LRP1B: variants seen among roughly 807,000 people sequenced by gnomAD.
The protein encoded by LRP1B is low-density lipoprotein receptor-related protein 1B.
A neutral mutation model predicts 556.6 loss-of-function variants in LRP1B; 217 were observed. That is an observed-to-expected ratio of 0.39 (90% CI 0.35 to 0.44). The LOEUF (loss-of-function observed/expected upper bound fraction) is 0.44, where lower values mean the gene tolerates loss of function less well. LRP1B is among the 20% of genes least tolerant of loss of function. The pLI is 1.00. For synonymous variants in LRP1B, 2,047 were observed against 1,865.8 expected, an observed-to-expected ratio of 1.10 and a Z score of -2.50; for missense variants, 5,053 against 5,620.8, an observed-to-expected ratio of 0.90 and a Z score of 3.23.
Position 140,469,711 on chromosome 2 carries a change from T to C in LRP1B, c.9625+5427A>G, listed in dbSNP as rs377631748. ...TTTGTGTAAGTGTATACTTATGCTA[T>C]AACTATTAATATTAGAGGCTCTAAC... On this transcript the variant is annotated intron_variant, in intron 60 of 90. Coordinates refer to ENST00000389484, the MANE Select transcript of LRP1B (RefSeq NM_018557.3). Among the ~76,000 whole-genome samples, 289 of 152,336 alleles carry C rather than the reference T, an allele frequency of 1.9e-3. 2 individuals are homozygous for C. Among genetic ancestry groups the C allele is most frequent in the African/African-American group, 6.7e-3 (279 of 41,596 alleles).
At chr2:140,570,671 T>G (rs1036654329) in intron 43 of LRP1B, among the ~76,000 whole-genome samples, 2 of 151,718 alleles carry the variant, frequency 1.3e-5, no homozygotes, top group Admixed American at 6.6e-5. Context: ...TCTCATTTTA[T>G]AATCTCAGCA....
intron 2 of LRP1B, among the ~76,000 whole-genome samples, chr2:141,523,902 C>T (rs573792814): frequency 1.1e-3 from 166 of 152,304 alleles, no homozygotes; most frequent in African/African-American, 3.9e-3. Flanking sequence ...TGTGCTGTCA[C>T]TGCACAGGCT....
At chr2:140,493,854 C>G (rs994829730) in intron 56 of LRP1B, among the ~76,000 whole-genome samples, 7 of 152,144 alleles carry the variant, frequency 4.6e-5, no homozygotes, top group African/African-American at 1.7e-4. Flanking sequence ...ATACCCCCTT[C>G]TATCATCCTT....
intron 41 of LRP1B, among the ~76,000 whole-genome samples, chr2:140,626,650 C>T (rs1481643502): frequency 6.8e-6 from 1 of 148,010 alleles, no homozygotes; most frequent in African/African-American, 2.5e-5. Context: ...GCCCAGAATT[C>T]ATTTACAAAG....
intron 7 of LRP1B, among the ~76,000 whole-genome samples, chr2:141,069,426 T>A (rs16845274): frequency 0.039 from 5,966 of 152,178 alleles, 182 homozygotes; most frequent in Middle Eastern, 0.12. Context: ...TAATGTAGTT[T>A]GAAACATGGT....
chr2:140,264,158 C>T (rs1682078609), intron 86 of LRP1B, among the ~76,000 whole-genome samples: 1 of 129,996 alleles, frequency 7.7e-6, no homozygotes, highest in Non-Finnish European at 1.9e-5. Context: ...TTCTTATCAC[C>T]CTTCTTACAA....
rs116721435 is a variant in LRP1B, at chr2:141,023,823, C to T, written c.1790-3721G>A. ...ATACCCAAAAATGGCCATTATAAAA[C>T]CATAGTTTCTACATTTTTCTACCTT... On this transcript the variant is annotated intron_variant, in intron 11 of 90. Coordinates refer to ENST00000389484, the MANE Select transcript of LRP1B (RefSeq NM_018557.3). 3.6e-3 allele frequency among the ~76,000 whole-genome samples: 553 copies of T among 152,050 alleles called. 3 individuals carry two copies. Among genetic ancestry groups the T allele is most frequent in the African/African-American group, 0.013 (535 of 41,520 alleles).
intron 1 of LRP1B, among the ~76,000 whole-genome samples, chr2:142,016,848 G>GTA (rs372682597): frequency 2.8e-5 from 2 of 71,726 alleles, no homozygotes; most frequent in Admixed American, 2.6e-4. Flanking sequence ...ATGTATATAT[G>GTA]TATATATATA....
At chr2:140,954,691 C>T (rs1695821640) in intron 18 of LRP1B, among the ~76,000 whole-genome samples, 1 of 152,016 alleles carries the variant, frequency 6.6e-6, no homozygotes, top group Non-Finnish European at 1.5e-5. Context: ...ATATTCAGTA[C>T]ATTCAACCTC....
At chr2:140,980,377 G>C (rs1696731193) in intron 18 of LRP1B, among the ~76,000 whole-genome samples, 2 of 152,110 alleles carry the variant, frequency 1.3e-5, no homozygotes, top group South Asian at 4.1e-4. Flanking sequence ...AATTAGTCTG[G>C]ATAGTGGAAA....
chr2:142,043,493 G>T (rs1007915721), intron 1 of LRP1B, among the ~76,000 whole-genome samples: 1 of 151,488 alleles, frequency 6.6e-6, no homozygotes, highest in Non-Finnish European at 1.5e-5. Context: ...TAGGTCTAAA[G>T]AATTTAGAAG....
At chr2:140,943,841 CTAATA>C (rs935811575) in intron 20 of LRP1B, among the ~76,000 whole-genome samples, 1 of 151,892 alleles carries the variant, frequency 6.6e-6, no homozygotes, top group African/African-American at 2.4e-5. Context: ...AATTAACAAT[CTAATA>C]TGACACATAA....
intron 32 of LRP1B, among the ~76,000 whole-genome samples, chr2:140,803,680 C>T (rs1473398385): frequency 6.6e-6 from 1 of 151,840 alleles, no homozygotes; most frequent in Non-Finnish European, 1.5e-5. Flanking sequence ...TAAACACAGA[C>T]CTGCACTGAT....
chr2:140,653,136 T>A (rs897225852), intron 41 of LRP1B, among the ~76,000 whole-genome samples: 1 of 152,050 alleles, frequency 6.6e-6, no homozygotes, highest in African/African-American at 2.4e-5. Flanking sequence ...GGATGCTATA[T>A]GGAATATCCT....
At chr2:141,333,321 T>C (rs111585917) in intron 3 of LRP1B, among the ~76,000 whole-genome samples, 1 of 152,092 alleles carries the variant, frequency 6.6e-6, no homozygotes, top group Admixed American at 6.5e-5. Flanking sequence ...GGTAGAATCA[T>C]TTACCTCATC....
chr2:140,685,656 T>A (rs770175475), intron 41 of LRP1B, among the ~76,000 whole-genome samples: 5 of 152,188 alleles, frequency 3.3e-5, no homozygotes, highest in Admixed American at 6.5e-5. Flanking sequence ...AGTCAAAGAA[T>A]TGCTTTTACT....
chr2:140,849,198 T>TAAAAAAA (rs1352302960), intron 29 of LRP1B, among the ~76,000 whole-genome samples: 2 of 16,916 alleles, frequency 1.2e-4, no homozygotes, highest in African/African-American at 2.8e-4. Flanking sequence ...CTACTAAAAA[T>TAAAAAAA]ACAAAAAAAA....
chr2:141,974,997 GTAT>G (rs1280658228), intron 1 of LRP1B, among the ~76,000 whole-genome samples: 2 of 152,082 alleles, frequency 1.3e-5, no homozygotes, highest in African/African-American at 2.4e-5. Context: ...TTGAAATAAT[GTAT>G]TATATTTCAT....
At chr2:140,524,507 T>C (rs1690334671) in intron 49 of LRP1B, among the ~76,000 whole-genome samples, 1 of 151,918 alleles carries the variant, frequency 6.6e-6, no homozygotes, top group Non-Finnish European at 1.5e-5. Flanking sequence ...TATATGTTTA[T>C]TGAAATACTA....
Sources: allele counts gnomAD v4.1 joint callset (sites outside exome capture counted in the v4.1 genomes callset), GRCh38; gene constraint gnomAD v4.1.1; transcripts MANE v1.5; gene names NCBI Gene and HGNC (gene_info 2026-07-23, HGNC 2026-07-21).